The following CTSB variants were observed in gnomAD, a reference collection of about 807,000 sequenced individuals.
CTSB encodes the protein cathepsin B, also known as APP secretase.
In CTSB, 57 loss-of-function variants were observed where a neutral mutation model predicts 44.3. That is an observed-to-expected ratio of 1.29 (90% CI 1.04 to 1.60). CTSB has a LOEUF of 1.60. CTSB is among the 40% of genes most tolerant of loss of function. CTSB has a pLI of 0.00. For missense variants in CTSB, 768 were observed against 443.0 expected (o/e 1.73, Z -6.59); for synonymous variants, 320 against 168.0 (o/e 1.91, Z -7.00).
chr8:11,853,556 G>T, intron 1 of CTSB, 77 bp from the exon 2 acceptor site: 2 of 1,401,316 alleles, frequency 1.4e-6, no homozygotes, highest in African/African-American at 1.4e-5. Context: ...GCACCGTCTC[G>T]GGCATCAGTG....
intron 7 of CTSB, among the ~76,000 whole-genome samples, chr8:11,847,392 G>C (rs564916543): frequency 6.6e-6 from 1 of 152,114 alleles, no homozygotes; most frequent in East Asian, 1.9e-4. Context: ...ACGAGGCCCC[G>C]GAAGAGGCCA....
At chr8:11,857,395 G>C (rs772194344) in intron 1 of CTSB, among the ~76,000 whole-genome samples, 5 of 152,144 alleles carry the variant, frequency 3.3e-5, no homozygotes, top group Admixed American at 2.6e-4. Flanking sequence ...ATGCATGTCA[G>C]TGACCCACAC....
intron 1 of CTSB, among the ~76,000 whole-genome samples, chr8:11,856,771 T>C (rs1335876082): frequency 6.6e-6 from 1 of 151,844 alleles, no homozygotes; most frequent in East Asian, 1.9e-4. Flanking sequence ...CTCCTGCCAC[T>C]ACATGCAAAA....
intron 7 of CTSB, among the ~76,000 whole-genome samples, chr8:11,847,371 G>T (rs1479941055): frequency 6.6e-6 from 1 of 152,122 alleles, no homozygotes; most frequent in Non-Finnish European, 1.5e-5. Flanking sequence ...TGGGAGAACG[G>T]AGCAATGAGC....
In CTSB at chr8:11,847,738, T is replaced by G. The variant is rs147236232; in HGVS notation, c.617A>C (p.Lys206Thr). 1.0e-5 allele frequency: 16 copies of G among 1,600,720 alleles called. No individual in the cohort carries two copies. The African/African-American group carries it at 2.0e-4, about 20-fold the overall frequency. ...GCCAGGCTCACAGATCTTGCTACAC[T>G]TGGGGGTATCTCCCTCCCCCGTGCA... ...PPCTGEGDTPKCSKICEPGYS... is the reference protein window; with the variant it reads ...PPCTGEGDTPTCSKICEPGYS... The change falls in exon 7 of 10, where the codon AAG (lysine) becomes ACG (threonine). Residue 206 changes from lysine (K) to threonine (T), a missense_variant. Coordinates refer to ENST00000353047, the MANE Select transcript of CTSB (RefSeq NM_001908.5).
In CTSB at chr8:11,848,760, G is replaced by A. The variant is rs1221669751; in HGVS notation, c.446+286C>T. 7.1e-5 allele frequency: 24 copies of A among 336,552 alleles called. No individual in the cohort carries two copies. The East Asian group carries it at 1.4e-3, about 19-fold the overall frequency. 20.8% of individuals were successfully genotyped at this position (336,552 alleles called of 1,614,324 possible). ...CCCCAAGCAGGAAAAAGGAACATGC[G>A]ATGACACAAACCAGACCAGGGGCCA... On this transcript the variant is annotated intron_variant, in intron 5 of 9. Coordinates refer to ENST00000353047, the MANE Select transcript of CTSB (RefSeq NM_001908.5).
chr8:11,867,682 T>G lies in CTSB; in HGVS notation c.-26+319A>C, dbSNP rs562043531. ...GAGCTCTTCCTCGCAGGCGCCTCCCTCGGCGGTCCTGGCCGCGTCCCCGCT... is the reference window on the plus strand; with the variant it reads ...GAGCTCTTCCTCGCAGGCGCCTCCCGCGGCGGTCCTGGCCGCGTCCCCGCT... On this transcript the variant is annotated intron_variant, in intron 1 of 9. Coordinates refer to ENST00000353047, the MANE Select transcript of CTSB (RefSeq NM_001908.5). The G allele has an allele frequency of 2.6e-5, 4 of 152,326 alleles. No individual in the cohort carries two copies. In the East Asian group the frequency reaches 7.7e-4, roughly 29 times the overall value. The allele number at this position is 152,326 out of a possible 1,614,324, so 9.4% of individuals were successfully genotyped here.
chr8:11,850,721 G>C (rs1440400668), intron 4 of CTSB, 145 bp downstream of exon 4: 5 of 562,580 alleles, frequency 8.9e-6, no homozygotes, highest in East Asian at 8.7e-5. Flanking sequence ...GAGGGATTGT[G>C]ATTTTTGTAC....
rs935277335 is a variant in CTSB, at chr8:11,844,317, C to G, written c.*808G>C. On this transcript the variant is annotated 3_prime_UTR_variant, in exon 10 of 10. Coordinates refer to ENST00000353047, the MANE Select transcript of CTSB (RefSeq NM_001908.5). Reference sequence around the variant, plus strand: ...GGATCTGAGATCCCATCAGAGTAGACTTCAAGTTGGAGAAAACTTTTATTG... The same window carrying G: ...GGATCTGAGATCCCATCAGAGTAGAGTTCAAGTTGGAGAAAACTTTTATTG... The G allele has an allele frequency of 1.3e-5, 2 of 152,228 alleles. No homozygotes were observed. Among genetic ancestry groups the G allele is most frequent in the East Asian group, 3.8e-4 (2 of 5,202 alleles). The allele number at this position is 152,228 out of a possible 1,614,324, so 9.4% of individuals were successfully genotyped here.
At chr8:11,865,690 C>G (rs1225896552) in intron 1 of CTSB, 1 of 151,582 alleles carries the variant, frequency 6.6e-6, no homozygotes, top group African/African-American at 2.4e-5. Flanking sequence ...TTACTCTACA[C>G]AACCACAACT....
In CTSB at chr8:11,844,610, C is replaced by T. The variant is rs1394157123; in HGVS notation, c.*515G>A. ...TTCTATTAAAGAATCATGCTGAGCA[C>T]AAGATCAGAGAGGTTGTGACATTGC... On this transcript the variant is annotated 3_prime_UTR_variant, in exon 10 of 10. Transcript: ENST00000353047. 6.5e-6 allele frequency: 1 copy of T among 153,706 alleles called. No individual in the cohort carries two copies. The highest frequency in any genetic ancestry group is 2.0e-4 in the South Asian group (1 of 4,906). The allele number at this position is 153,706 out of a possible 1,614,324, so 9.5% of individuals were successfully genotyped here.
At chr8:11,854,088 C>T (rs927212966) in intron 1 of CTSB, among the ~76,000 whole-genome samples, 1 of 152,182 alleles carries the variant, frequency 6.6e-6, no homozygotes, top group East Asian at 1.9e-4. Flanking sequence ...ACTCTCACCT[C>T]GATGCCCCAG....
chr8:11,850,435 AAAAAAAG>A lies in CTSB; in HGVS notation c.327+424_327+430del, dbSNP rs1306907466. ...CTCCATCTCCAAAAAAAAAAAAAAA[AAAAAAAG>A]AAAGAAAAAGAAAACAAAAGAAGAT... On this transcript the variant is annotated intron_variant, in intron 4 of 9. Coordinates refer to ENST00000353047, the MANE Select transcript of CTSB (RefSeq NM_001908.5). Among the ~76,000 whole-genome samples, 669 of 147,656 alleles carry A rather than the reference AAAAAAAG, an allele frequency of 4.5e-3. 5 individuals are homozygous for A. Among genetic ancestry groups the A allele is most frequent in the African/African-American group, 0.014 (547 of 40,174 alleles).
intron 1 of CTSB, chr8:11,864,412 A>C (rs1375629736): frequency 6.6e-6 from 1 of 151,456 alleles, no homozygotes; most frequent in African/African-American, 2.4e-5. Flanking sequence ...GATCGCTTAC[A>C]TCTGGGTGGC....
intron 1 of CTSB, among the ~76,000 whole-genome samples, chr8:11,866,357 T>A (rs1735888796): frequency 1.3e-5 from 2 of 152,234 alleles, no homozygotes; most frequent in African/African-American, 4.8e-5. Flanking sequence ...CCAGGAGAGC[T>A]GTGCCAGGGC....
chr8:11,845,841 C>T, intron 8 of CTSB, 52 bp from the exon 9 acceptor site: 1 of 1,539,840 alleles, frequency 6.5e-7, no homozygotes. Context: ...GTCCCACGCC[C>T]CACAGCACCC....
chr8:11,858,743 G>A (rs772775095), intron 1 of CTSB, among the ~76,000 whole-genome samples: 4 of 152,142 alleles, frequency 2.6e-5, no homozygotes, highest in Non-Finnish European at 5.9e-5. Context: ...TGCAACAGGC[G>A]CCTTTCTCTC....
rs1160587214 is a variant in CTSB at position 11,844,763 on chromosome 8, G to C, written c.*362C>G. On this transcript the variant is annotated 3_prime_UTR_variant, in exon 10 of 10. Transcript: ENST00000353047. Reference sequence around the variant, plus strand: ...TTGGAGGTACTGGGGGAACTGATGGGGGAACTTTCATCCTGTTAGGAACTC... The same window carrying C: ...TTGGAGGTACTGGGGGAACTGATGGCGGAACTTTCATCCTGTTAGGAACTC... The C allele has an allele frequency of 5.0e-6, 1 of 201,280 alleles. No homozygotes were observed. 12.5% of individuals were successfully genotyped at this position (201,280 alleles called of 1,614,324 possible).
At chr8:11,852,821 G>T in intron 2 of CTSB, 126 bp from the exon 3 acceptor site, 2 of 770,768 alleles carry the variant, frequency 2.6e-6, no homozygotes, top group South Asian at 1.7e-5. Flanking sequence ...CCCAAGGGTT[G>T]GGGGGCACTG....
Sources: allele counts gnomAD v4.1 joint callset (sites outside exome capture counted in the v4.1 genomes callset), GRCh38; gene constraint gnomAD v4.1.1; transcripts MANE v1.5; gene names NCBI Gene and HGNC (gene_info 2026-07-23, HGNC 2026-07-21).